The following HAT1 variants were observed in gnomAD, a reference collection of about 807,000 sequenced individuals.
The protein encoded by HAT1 is histone acetyltransferase type B catalytic subunit.
A neutral mutation model predicts 56.6 loss-of-function variants in HAT1; 20 were observed. The ratio of observed to expected loss-of-function variants is 0.35; its 90% CI spans 0.25 to 0.51. The LOEUF (loss-of-function observed/expected upper bound fraction) is 0.51, where lower values mean the gene tolerates loss of function less well. Among genes scored for constraint, HAT1 ranks in the 20% least tolerant of loss-of-function variants. The pLI is 0.95. For missense variants in HAT1, 408 were observed against 504.3 expected (o/e 0.81, Z 1.83); for synonymous variants, 146 against 165.5 (o/e 0.88, Z 0.91).
At chr2:171,960,217 T>C (rs1687540939) in intron 4 of HAT1, among the ~76,000 whole-genome samples, 1 of 152,142 alleles carries the variant, frequency 6.6e-6, no homozygotes, top group African/African-American at 2.4e-5. Context: ...GACCGGAACA[T>C]TGCAGTGTTA....
chr2:171,932,948 T>A (rs1297841402), intron 2 of HAT1, among the ~76,000 whole-genome samples: 1 of 152,240 alleles, frequency 6.6e-6, no homozygotes, highest in Non-Finnish European at 1.5e-5. Flanking sequence ...TGTCTTTTAA[T>A]GTCTCCTTAC....
At chr2:171,978,570 C>T (rs1032761528) in intron 9 of HAT1, among the ~76,000 whole-genome samples, 2 of 141,718 alleles carry the variant, frequency 1.4e-5, no homozygotes, top group African/African-American at 5.7e-5. Flanking sequence ...CACATTTTCA[C>T]ATCCTTCTCT....
chr2:171,922,869 T>C (rs1686477496), intron 1 of HAT1: 1 of 257,440 alleles, frequency 3.9e-6, no homozygotes. Context: ...CTTGTACATC[T>C]GGTCCTGTTC....
At chr2:171,977,558 T>TATATATATA (rs1491530330) in intron 9 of HAT1, among the ~76,000 whole-genome samples, 21 of 9,432 alleles carry the variant, frequency 2.2e-3, no homozygotes, top group Non-Finnish European at 2.8e-3. Context: ...TATATATATA[T>TATATATATA]TTTTTTTTTT....
In HAT1 at chr2:171,953,769, C is replaced by T. The variant is rs895426713; in HGVS notation, c.309+768C>T. On this transcript the variant is annotated intron_variant, in intron 4 of 10. Coordinates refer to ENST00000264108, the MANE Select transcript of HAT1 (RefSeq NM_003642.4). ...CAGCACTTTGGGAGGCCAAGGTGGGCGGATCACCTGAGGCCAGGAGTTCAA... is the reference window on the plus strand; with the variant it reads ...CAGCACTTTGGGAGGCCAAGGTGGGTGGATCACCTGAGGCCAGGAGTTCAA... 4.0e-5 allele frequency among the ~76,000 whole-genome samples: 6 copies of T among 151,288 alleles called. No homozygotes were observed. The South Asian group carries it at 8.4e-4, about 21-fold the overall frequency.
At position 171,925,645 on chromosome 2, in the gene HAT1, T is replaced by C. The variant is rs750972456; in HGVS notation, c.112+4T>C. On this transcript the variant is annotated splice_donor_region_variant and intron_variant, in intron 2 of 10. Transcript: ENST00000264108. The stretch of plus-strand genomic sequence containing the variant: ...ACAGCAATTGAACTAAAATTAGGTA[T>C]GTATGCCATTTCTAAGTGATGTTAT... The C allele has an allele frequency of 3.4e-6, 4 of 1,185,550 alleles. No individual in the cohort carries two copies. Among genetic ancestry groups the C allele is most frequent in the Non-Finnish European group, 5.1e-6 (4 of 788,606 alleles). The allele number at this position is 1,185,550 out of a possible 1,614,324, so 73.4% of individuals were successfully genotyped here.
intron 4 of HAT1, among the ~76,000 whole-genome samples, chr2:171,963,975 TA>T (rs980904309): frequency 5.1e-4 from 78 of 152,312 alleles, no homozygotes; most frequent in African/African-American, 1.9e-3. Context: ...AGGTCTTTTT[TA>T]TACCTATAAA....
rs763509456 is a variant in HAT1 at position 171,952,920 on chromosome 2, A to T, written c.228A>T (p.Leu76Phe). ...AFGYKGLKILLYYIAGSLSTM... is the reference protein window; with the variant it reads ...AFGYKGLKILFYYIAGSLSTM... Reference sequence around the variant, plus strand: ...GTTACAAGGGTCTAAAGATCCTGTTATACTATATTGCTGGTAGCCTGTCAA... The same window carrying T: ...GTTACAAGGGTCTAAAGATCCTGTTTTACTATATTGCTGGTAGCCTGTCAA... Residue 76 changes from leucine (L) to phenylalanine (F), a missense_variant, in exon 4 of 11, where the codon TTA (leucine) becomes TTT (phenylalanine). Coordinates refer to ENST00000264108, the MANE Select transcript of HAT1 (RefSeq NM_003642.4). The T allele has an allele frequency of 6.3e-7, 1 of 1,592,444 alleles. No homozygotes were observed. Among genetic ancestry groups the T allele is most frequent in the East Asian group, 2.2e-5 (1 of 44,730 alleles).
intron 8 of HAT1, among the ~76,000 whole-genome samples, chr2:171,972,452 A>G (rs945550286): frequency 1.3e-5 from 2 of 152,044 alleles, no homozygotes; most frequent in African/African-American, 4.8e-5. Context: ...TTCTGTAGAG[A>G]TGGGGTCTCA....
intron 8 of HAT1, among the ~76,000 whole-genome samples, chr2:171,974,210 A>AAAGG (rs782575945): frequency 2.8e-5 from 2 of 72,694 alleles, no homozygotes; most frequent in African/African-American, 8.0e-5. Flanking sequence ...AGAAAAAGAA[A>AAAGG]AAAAAAAAAA....
chr2:171,958,056 C>T (rs1687488162), intron 4 of HAT1, among the ~76,000 whole-genome samples: 1 of 152,076 alleles, frequency 6.6e-6, no homozygotes, highest in Non-Finnish European at 1.5e-5. Flanking sequence ...ACCCCTATGC[C>T]CCATCTATAT....
chr2:171,972,251 T>TG (rs1558978811), intron 8 of HAT1, among the ~76,000 whole-genome samples: 1 of 151,428 alleles, frequency 6.6e-6, no homozygotes, highest in Admixed American at 6.6e-5. Context: ...GTTGTTTTTT[T>TG]TTTTGTTTTT....
intron 3 of HAT1, among the ~76,000 whole-genome samples, chr2:171,951,369 T>A (rs1687302761): frequency 1.3e-5 from 2 of 152,318 alleles, no homozygotes; most frequent in Non-Finnish European, 2.9e-5. Flanking sequence ...TTTACTACTT[T>A]AAAAAATCTG....
intron 2 of HAT1, among the ~76,000 whole-genome samples, chr2:171,929,409 GT>G (rs1276557398): frequency 6.6e-6 from 1 of 152,024 alleles, no homozygotes; most frequent in African/African-American, 2.4e-5. Context: ...TTTTCTCTCA[GT>G]TTGTGGTTTG....
chr2:171,923,256 C>T (rs541429395), intron 1 of HAT1: 1 of 152,100 alleles, frequency 6.6e-6, no homozygotes, highest in South Asian at 2.1e-4. Flanking sequence ...GATTACTTAT[C>T]TTTTGAAGTT....
At chr2:171,959,126 C>G (rs1192206516) in intron 4 of HAT1, among the ~76,000 whole-genome samples, 2 of 152,188 alleles carry the variant, frequency 1.3e-5, no homozygotes, top group South Asian at 4.1e-4. Flanking sequence ...TGTGCAGATA[C>G]AAAAGTGATT....
intron 4 of HAT1, among the ~76,000 whole-genome samples, chr2:171,958,499 ACTGGCCTCAAACTC>A (rs1009587150): frequency 2.6e-4 from 39 of 152,038 alleles, no homozygotes; most frequent in African/African-American, 7.5e-4. Context: ...TAGTGCCCAG[ACTGGCCTCAAACTC>A]CTGGCCTCAA....
intron 4 of HAT1, among the ~76,000 whole-genome samples, chr2:171,958,093 TG>T (rs1687489356): frequency 6.6e-6 from 1 of 152,288 alleles, no homozygotes; most frequent in African/African-American, 2.4e-5. Context: ...CTCTCATTAC[TG>T]GAACTGACTT....
intron 3 of HAT1, among the ~76,000 whole-genome samples, chr2:171,952,513 T>A (rs144046477): frequency 0.012 from 1,899 of 152,278 alleles, 17 homozygotes; most frequent in Non-Finnish European, 0.02. Flanking sequence ...CCTAGCCAGG[T>A]CCTAATTTAA....
Sources: gnomAD v4.1 joint callset for allele counts (sites outside exome capture counted in the v4.1 genomes callset) on GRCh38, gnomAD v4.1.1 for gene constraint, MANE v1.5 for transcripts, NCBI Gene and HGNC (gene_info 2026-07-23, HGNC 2026-07-21) for gene names.